PTPRK: variants seen among roughly 807,000 people sequenced by gnomAD.
PTPRK encodes the protein receptor-type tyrosine-protein phosphatase kappa.
Under a neutral mutation model 178.0 loss-of-function variants are expected in PTPRK, and 75 were observed. The ratio of observed to expected loss-of-function variants is 0.42; its 90% CI spans 0.35 to 0.51. The LOEUF is 0.51. Ranked by LOEUF, PTPRK falls within the 20% of genes least tolerant of loss-of-function variation. The pLI, the probability that PTPRK is intolerant of heterozygous loss-of-function variation, is 0.02. For missense variants in PTPRK, 1,441 were observed against 1,797.8 expected (o/e 0.80, Z 3.59); for synonymous variants, 637 against 620.6 (o/e 1.03, Z -0.39).
chr6:128,465,279 T>C (rs895895139), intron 1 of PTPRK, among the ~76,000 whole-genome samples: 9 of 152,136 alleles, frequency 5.9e-5, no homozygotes, highest in Non-Finnish European at 1.0e-4. Flanking sequence ...TGCTTTTTTT[T>C]CAACAATTTC....
intron 5 of PTPRK, chr6:128,237,903 G>A: frequency 3.2e-6 from 1 of 316,786 alleles, no homozygotes; most frequent in Non-Finnish European, 6.0e-6. Flanking sequence ...TTGATATATA[G>A]ATAATGATCA....
At chr6:127,985,244 T>C (rs1775812359) in intron 22 of PTPRK, among the ~76,000 whole-genome samples, 3 of 152,202 alleles carry the variant, frequency 2.0e-5, no homozygotes, top group Non-Finnish European at 4.4e-5. Context: ...TTCAAGGTCC[T>C]CTAATGTGAA....
chr6:128,482,859 T>C (rs1395310143), intron 1 of PTPRK, among the ~76,000 whole-genome samples: 5 of 152,152 alleles, frequency 3.3e-5, no homozygotes, highest in African/African-American at 1.2e-4. Context: ...AGCAAAGGCA[T>C]TAAGCCAATG....
chr6:128,003,305 T>A, intron 15 of PTPRK: 1 of 1,278,996 alleles, frequency 7.8e-7, no homozygotes, highest in Non-Finnish European at 1.1e-6. Flanking sequence ...TTCTTTAAAA[T>A]AGATTTATGC....
intron 1 of PTPRK, among the ~76,000 whole-genome samples, chr6:128,421,774 A>G (rs1034710005): frequency 6.6e-6 from 1 of 152,266 alleles, no homozygotes; most frequent in African/African-American, 2.4e-5. Context: ...TCATGAAATA[A>G]TATTTCTTCA....
At chr6:128,111,102 T>A (rs545350529) in intron 7 of PTPRK, among the ~76,000 whole-genome samples, 2 of 152,274 alleles carry the variant, frequency 1.3e-5, no homozygotes, top group South Asian at 4.1e-4. Flanking sequence ...TGATGTCCTA[T>A]CGGTAGGCAT....
At chr6:128,435,962 T>G (rs1456817579) in intron 1 of PTPRK, among the ~76,000 whole-genome samples, 1 of 146,654 alleles carries the variant, frequency 6.8e-6, no homozygotes, top group Non-Finnish European at 1.5e-5. Flanking sequence ...ACCAAATTAT[T>G]CAGTCAACTG....
In PTPRK at chr6:128,182,273, A is replaced by G. The variant is rs571996176; in HGVS notation, c.1162+2159T>C. 1.4e-3 allele frequency among the ~76,000 whole-genome samples: 217 copies of G among 152,134 alleles called. 4 individuals carry two copies. Among genetic ancestry groups the G allele is most frequent in the Non-Finnish European group, 2.5e-3 (168 of 68,010 alleles). On this transcript the variant is annotated intron_variant, in intron 7 of 29. Transcript: ENST00000368226. Reference sequence around the variant, plus strand: ...ATAATTCCAAAATATCAAGACATTTATAAGTTAGAAAGCAGCTATGGGCCA... The same window carrying G: ...ATAATTCCAAAATATCAAGACATTTGTAAGTTAGAAAGCAGCTATGGGCCA...
At chr6:128,064,923 T>G (rs1781503510) in intron 12 of PTPRK, 129 bp from the exon 13 acceptor site, 2 of 1,099,704 alleles carry the variant, frequency 1.8e-6, no homozygotes, top group East Asian at 6.2e-5. Flanking sequence ...AATTTTAATA[T>G]TAAGAAAACT....
chr6:128,362,086 A>G (rs185803288), intron 2 of PTPRK, among the ~76,000 whole-genome samples: 1 of 152,248 alleles, frequency 6.6e-6, no homozygotes, highest in Admixed American at 6.5e-5. Flanking sequence ...ATTTTTAAAG[A>G]AAAGGGGTTT....
intron 22 of PTPRK, among the ~76,000 whole-genome samples, chr6:127,985,268 A>AT (rs1475336230): frequency 3.3e-5 from 5 of 152,132 alleles, no homozygotes; most frequent in African/African-American, 4.8e-5. Flanking sequence ...TTTAAAAAAA[A>AT]TTTTTAAATA....
At chr6:128,450,057 G>A (rs1310774068) in intron 1 of PTPRK, among the ~76,000 whole-genome samples, 4 of 151,080 alleles carry the variant, frequency 2.6e-5, no homozygotes, top group Non-Finnish European at 5.9e-5. Flanking sequence ...GGCGGAGGTT[G>A]CAGCAAGCTG....
chr6:128,357,136 T>C (rs1189258471), intron 2 of PTPRK, among the ~76,000 whole-genome samples: 1 of 152,170 alleles, frequency 6.6e-6, no homozygotes, highest in African/African-American at 2.4e-5. Context: ...GATCCATCCT[T>C]CCTGAACCAA....
At chr6:128,213,406 T>A (rs1808610797) in intron 6 of PTPRK, among the ~76,000 whole-genome samples, 1 of 152,056 alleles carries the variant, frequency 6.6e-6, no homozygotes, top group Non-Finnish European at 1.5e-5. Flanking sequence ...TGGGCTTTTT[T>A]AAATATTTAG....
chr6:128,236,977 A>C (rs1813399923), intron 5 of PTPRK, among the ~76,000 whole-genome samples: 1 of 152,126 alleles, frequency 6.6e-6, no homozygotes, highest in Admixed American at 6.5e-5. Flanking sequence ...CAATTTACTC[A>C]ATTTGTATAT....
At chr6:128,049,363 A>ATGGTT (rs1778618588) in intron 13 of PTPRK, among the ~76,000 whole-genome samples, 1 of 152,102 alleles carries the variant, frequency 6.6e-6, no homozygotes, top group Admixed American at 6.5e-5. Context: ...TTCCCATACC[A>ATGGTT]TTGGTTTTGT....
chr6:128,297,909 G>A (rs57318936), intron 3 of PTPRK, among the ~76,000 whole-genome samples: 18,751 of 151,958 alleles, frequency 0.12, 1,794 homozygotes, highest in African/African-American at 0.26. Context: ...GACATAAAAA[G>A]CCCTTCAAAA....
At chr6:128,401,172 C>T (rs149330574) in intron 1 of PTPRK, among the ~76,000 whole-genome samples, 1 of 152,230 alleles carries the variant, frequency 6.6e-6, no homozygotes, top group African/African-American at 2.4e-5. Context: ...TCTATGATAG[C>T]AAGCCACTTA....
chr6:127,980,988 T>G (rs1054036277), intron 25 of PTPRK, 128 bp downstream of exon 25: 2 of 909,330 alleles, frequency 2.2e-6, no homozygotes, highest in East Asian at 2.7e-5. Flanking sequence ...AAAATGTGTT[T>G]CAATAAAAGT....
Sources: gnomAD v4.1 joint callset for allele counts (sites outside exome capture counted in the v4.1 genomes callset) on GRCh38, gnomAD v4.1.1 for gene constraint, MANE v1.5 for transcripts, NCBI Gene and HGNC (gene_info 2026-07-23, HGNC 2026-07-21) for gene names.